ARHGEF7: variants seen among roughly 807,000 people sequenced by gnomAD.
ARHGEF7 encodes the protein Rho guanine nucleotide exchange factor 7, also known as PAK-interacting exchange factor beta.
In ARHGEF7, 33 loss-of-function variants were observed where a neutral mutation model predicts 109.8. The ratio of observed to expected loss-of-function variants is 0.30; its 90% confidence interval spans 0.23 to 0.40. The LOEUF is 0.40. Among genes scored for constraint, ARHGEF7 ranks in the 10% least tolerant of loss-of-function variants. The pLI is 1.00. For missense variants in ARHGEF7, 938 were observed against 1,098.5 expected, an observed-to-expected ratio of 0.85 and a Z score of 2.07; for synonymous variants, 458 against 424.6, an observed-to-expected ratio of 1.08 and a Z score of -0.97.
intron 8 of ARHGEF7, among the ~76,000 whole-genome samples, chr13:111,251,141 G>A (rs1234191123): frequency 2.0e-5 from 3 of 152,166 alleles, no homozygotes; most frequent in Non-Finnish European, 4.4e-5. Context: ...TCTAGGGGCC[G>A]ACCCAGAGTT....
chr13:111,223,104 A>G (rs1225565696), intron 5 of ARHGEF7, among the ~76,000 whole-genome samples: 1 of 152,226 alleles, frequency 6.6e-6, no homozygotes, highest in African/African-American at 2.4e-5. Context: ...GTTGGTATAT[A>G]TACAGAGATA....
At chr13:111,135,390 C>A (rs929189607) in intron 1 of ARHGEF7, among the ~76,000 whole-genome samples, 2 of 152,108 alleles carry the variant, frequency 1.3e-5, no homozygotes, top group Non-Finnish European at 2.9e-5. Context: ...TTACCTTGGG[C>A]AGTATGGCCA....
At chr13:111,153,756 T>G in intron 1 of ARHGEF7, 149 bp from the exon 2 acceptor site, 2 of 1,348,668 alleles carry the variant, frequency 1.5e-6, no homozygotes, top group Non-Finnish European at 1.9e-6. Context: ...GGTTGGCATC[T>G]GGGGCAGCGG....
At chr13:111,168,739 A>G (rs948104637) in intron 2 of ARHGEF7, among the ~76,000 whole-genome samples, 1 of 152,226 alleles carries the variant, frequency 6.6e-6, no homozygotes, top group Non-Finnish European at 1.5e-5. Context: ...AAACTAAACA[A>G]AGGAAATATT....
intron 4 of ARHGEF7, among the ~76,000 whole-genome samples, chr13:111,216,637 T>G (rs891509966): frequency 1.2e-4 from 18 of 152,074 alleles, no homozygotes; most frequent in Admixed American, 5.2e-4. Flanking sequence ...GTCGCTGGTG[T>G]TCCCTAGAGC....
chr13:111,142,702 G>C (rs1476802229), intron 1 of ARHGEF7, among the ~76,000 whole-genome samples: 1 of 152,126 alleles, frequency 6.6e-6, no homozygotes, highest in Non-Finnish European at 1.5e-5. Flanking sequence ...GTGCTTAACT[G>C]TGGATGTCCT....
chr13:111,178,965 C>T (rs866882848), intron 2 of ARHGEF7, among the ~76,000 whole-genome samples: 1 of 152,118 alleles, frequency 6.6e-6, no homozygotes, highest in South Asian at 2.1e-4. Flanking sequence ...GCCGTCCCCC[C>T]CCTTTTTTTT....
At chr13:111,216,816 G>A (rs1325657605) in intron 4 of ARHGEF7, among the ~76,000 whole-genome samples, 1 of 152,200 alleles carries the variant, frequency 6.6e-6, no homozygotes, top group African/African-American at 2.4e-5. Flanking sequence ...CAGGCTGTGC[G>A]CTTTGGTAGT....
rs763002388 is a variant in ARHGEF7, at chr13:111,275,649, C to T, written c.1390C>T (p.Gln464Ter). ...TCTGGGCAACGTCACTTACATGTCC[C>T]AGGTCCTGATTCAGTGTGCCGGAAG... The part of the protein sequence containing the change: ...KTLGNVTYMS[Q>*]VLIQCAGSEE... Residue 464 changes from glutamine to a stop codon, truncating the protein, a stop_gained, in exon 12 of 22, where the codon CAG becomes TAG. Coordinates refer to ENST00000646102, the MANE Select transcript of ARHGEF7 (RefSeq NM_001354046.2). LOFTEE classifies it high-confidence loss of function. 1 of 1,614,182 alleles carries T rather than the reference C, an allele frequency of 6.2e-7. No individual in the cohort carries two copies.
intron 5 of ARHGEF7, among the ~76,000 whole-genome samples, chr13:111,229,098 C>G (rs1186781654): frequency 6.6e-6 from 1 of 151,910 alleles, no homozygotes; most frequent in Non-Finnish European, 1.5e-5. Context: ...GGACCTGGCC[C>G]TCGCCCAGCT....
At chr13:111,137,113 A>C (rs1001372013) in intron 1 of ARHGEF7, among the ~76,000 whole-genome samples, 1 of 152,234 alleles carries the variant, frequency 6.6e-6, no homozygotes, top group African/African-American at 2.4e-5. Context: ...ATAGCTTACC[A>C]ACCAAAAAAA....
rs946406609 is a variant in ARHGEF7 at position 111,239,431 on chromosome 13, C to T, written c.760-4441C>T. Among the ~76,000 whole-genome samples the T allele has an allele frequency of 2.6e-4, 40 of 152,278 alleles. No individual in the cohort carries two copies. Among genetic ancestry groups the T allele is most frequent in the Admixed American group, 2.0e-3 (31 of 15,310 alleles). On this transcript the variant is annotated intron_variant, in intron 6 of 21. Coordinates refer to ENST00000646102, the MANE Select transcript of ARHGEF7 (RefSeq NM_001354046.2). The surrounding 1 kb of genome is among the most constrained non-coding windows in gnomAD (Gnocchi z 4.3). ...TTTTCCTCCCTGCTCCTTTAGTTTGCGATGGCCTTCAGATGCCAGGCCAAG... is the reference window on the plus strand; with the variant it reads ...TTTTCCTCCCTGCTCCTTTAGTTTGTGATGGCCTTCAGATGCCAGGCCAAG...
intron 15 of ARHGEF7, chr13:111,281,231 A>G (rs1212428703): frequency 7.6e-6 from 1 of 131,552 alleles, no homozygotes; most frequent in Non-Finnish European, 1.6e-5. Context: ...GAATAGATGA[A>G]CACTGAAGCT....
chr13:111,183,225 G>A (rs1179044465), intron 2 of ARHGEF7, among the ~76,000 whole-genome samples: 1 of 152,118 alleles, frequency 6.6e-6, no homozygotes, highest in African/African-American at 2.4e-5. Flanking sequence ...AGCAAGTTTT[G>A]TTAAATGGCG....
chr13:111,166,313 G>A (rs930176037), intron 2 of ARHGEF7, among the ~76,000 whole-genome samples: 4 of 152,184 alleles, frequency 2.6e-5, no homozygotes, highest in African/African-American at 7.2e-5. Flanking sequence ...CGTGGGGAGC[G>A]AGATCAGGTG....
At position 111,118,607 on chromosome 13, in the gene ARHGEF7, C is replaced by G. The variant is rs555668874; in HGVS notation, c.165+2916C>G. Among the ~76,000 whole-genome samples the G allele has an allele frequency of 3.1e-4, 47 of 152,244 alleles. 1 individual carries two copies. The highest frequency in any genetic ancestry group is 1.1e-3 in the African/African-American group (46 of 41,548). On this transcript the variant is annotated intron_variant, in intron 1 of 21. Transcript: ENST00000646102. ...CTCCTCCCGTGAGCAGAGGTCATGA[C>G]GTCTAGGGAGCCCTGGAAGCCCTTT...
chr13:111,247,674 G>C (rs1427239649), intron 8 of ARHGEF7, among the ~76,000 whole-genome samples: 1 of 152,158 alleles, frequency 6.6e-6, no homozygotes, highest in Non-Finnish European at 1.5e-5. Context: ...AGACCCAGGA[G>C]TTGGCAAACT....
intron 2 of ARHGEF7, among the ~76,000 whole-genome samples, chr13:111,165,554 AG>A (rs1363308994): frequency 6.6e-6 from 1 of 152,196 alleles, no homozygotes; most frequent in Non-Finnish European, 1.5e-5. Context: ...CACAACCAGA[AG>A]GCTTGGAGGA....
intron 6 of ARHGEF7, among the ~76,000 whole-genome samples, chr13:111,243,512 T>C (rs2088205043): frequency 6.6e-6 from 1 of 152,240 alleles, no homozygotes; most frequent in African/African-American, 2.4e-5. Flanking sequence ...TGGGAATGGC[T>C]TCTTTTGCAC....
Sources: gnomAD v4.1 joint callset for allele counts (sites outside exome capture counted in the v4.1 genomes callset) on GRCh38, gnomAD v4.1.1 for gene constraint, Gnocchi (gnomAD v3.1) non-coding constraint, MANE v1.5 for transcripts, NCBI Gene and HGNC (gene_info 2026-07-23, HGNC 2026-07-21) for gene names.